The following IL1RAPL2 variants were observed in gnomAD, a reference collection of about 807,000 sequenced individuals.
The protein encoded by IL1RAPL2 is X-linked interleukin-1 receptor accessory protein-like 2.
IL1RAPL2 carries 3 observed loss-of-function variants against 44.1 expected under a neutral mutation model. That is an observed-to-expected ratio of 0.07 (90% confidence interval 0.03 to 0.18). The LOEUF (loss-of-function observed/expected upper bound fraction) is 0.18, where lower values mean the gene tolerates loss of function less well. Ranked by LOEUF, IL1RAPL2 falls within the 10% of genes least tolerant of loss-of-function variation. IL1RAPL2 has a pLI of 1.00. For synonymous variants in IL1RAPL2, 181 were observed against 178.8 expected, an observed-to-expected ratio of 1.01 and a Z score of -0.10; for missense variants, 391 against 496.4, an observed-to-expected ratio of 0.79 and a Z score of 2.02.
At chrX:105,199,215 T>G (rs1361214477) in intron 3 of IL1RAPL2, among the ~76,000 whole-genome samples, 3 of 111,160 alleles carry the variant, frequency 2.7e-5, no homozygotes, top group Non-Finnish European at 3.8e-5. Flanking sequence ...CTACTTAATT[T>G]TCTTGCTCAG....
chrX:104,967,540 AGAG>A (rs2030150437), intron 2 of IL1RAPL2, among the ~76,000 whole-genome samples: 1 of 111,206 alleles, frequency 9.0e-6, no homozygotes, highest in Admixed American at 9.6e-5. Context: ...AAAGAAAATA[AGAG>A]GAGGACAGAA....
chrX:105,384,378 A>T (rs191607273), intron 5 of IL1RAPL2, among the ~76,000 whole-genome samples: 26 of 111,121 alleles, frequency 2.3e-4, no homozygotes, highest in Admixed American at 6.7e-4. Flanking sequence ...CCTTTCCCCA[A>T]TGTCTATTTT....
intron 3 of IL1RAPL2, among the ~76,000 whole-genome samples, chrX:105,200,149 C>T (rs782028700): frequency 8.1e-5 from 9 of 111,785 alleles, no homozygotes; most frequent in African/African-American, 1.9e-4. Context: ...AAGGTAATTA[C>T]GAATGACTTT....
At chrX:105,180,280 T>G (rs994760876) in intron 2 of IL1RAPL2, among the ~76,000 whole-genome samples, 5 of 109,224 alleles carry the variant, frequency 4.6e-5, no homozygotes, top group African/African-American at 1.0e-4. Context: ...GAGGTTGCAG[T>G]GAGCTGAGAC....
chrX:105,010,606 T>A (rs1240764433), intron 2 of IL1RAPL2, among the ~76,000 whole-genome samples: 2 of 111,775 alleles, frequency 1.8e-5, no homozygotes, highest in African/African-American at 6.5e-5. Context: ...TGCAGCTTCA[T>A]CTTTGATTCA....
At chrX:105,673,006 G>A (rs2037837205) in intron 6 of IL1RAPL2, among the ~76,000 whole-genome samples, 1 of 110,956 alleles carries the variant, frequency 9.0e-6, no homozygotes, top group Non-Finnish European at 1.9e-5. Context: ...CATCCCTTGT[G>A]TCCTGTAGTC....
chrX:105,495,553 T>A (rs750462304), intron 6 of IL1RAPL2, among the ~76,000 whole-genome samples: 1 of 111,884 alleles, frequency 8.9e-6, no homozygotes, highest in Non-Finnish European at 1.9e-5. Flanking sequence ...TCAATTTCAT[T>A]TATTTTCCTT....
chrX:105,670,142 T>TATATATATATATAA (rs1365896538), intron 6 of IL1RAPL2, among the ~76,000 whole-genome samples: 30 of 52,975 alleles, frequency 5.7e-4, no homozygotes, highest in African/African-American at 2.1e-3. Context: ...TATATATATA[T>TATATATATATATAA]ATATATCTCC....
chrX:105,551,967 G>C (rs891712482), intron 6 of IL1RAPL2, among the ~76,000 whole-genome samples: 1 of 110,496 alleles, frequency 9.1e-6, no homozygotes, highest in Non-Finnish European at 1.9e-5. Flanking sequence ...TTAGCTGGGC[G>C]TGGTGGCGGG....
At chrX:104,928,136 C>A (rs745842396) in intron 2 of IL1RAPL2, among the ~76,000 whole-genome samples, 21 of 111,738 alleles carry the variant, frequency 1.9e-4, no homozygotes, top group Admixed American at 1.8e-3. Context: ...TCCCCTCAAG[C>A]ATTTATCCTT....
intron 2 of IL1RAPL2, among the ~76,000 whole-genome samples, chrX:104,935,079 C>T (rs929199661): frequency 9.0e-6 from 1 of 111,495 alleles, no homozygotes; most frequent in African/African-American, 3.3e-5. Context: ...GGACACTGTG[C>T]CTAATAATAT....
At chrX:105,267,356 T>G in intron 4 of IL1RAPL2, 32 bp from the exon 5 acceptor site, 2 of 1,172,066 alleles carry the variant, frequency 1.7e-6, no homozygotes, top group Non-Finnish European at 2.3e-6. Flanking sequence ...GAAATTCTAT[T>G]TTTTGCTTAC....
intron 3 of IL1RAPL2, among the ~76,000 whole-genome samples, chrX:105,224,201 G>A (rs931913613): frequency 3.6e-5 from 4 of 110,948 alleles, no homozygotes; most frequent in Non-Finnish European, 7.5e-5. Context: ...AGCAGTAGGA[G>A]TAGTCAGAGA....
chrX:104,764,985 A>G (rs961148817), intron 2 of IL1RAPL2, among the ~76,000 whole-genome samples: 1 of 111,942 alleles, frequency 8.9e-6, no homozygotes, highest in Non-Finnish European at 1.9e-5. Context: ...TTTTGCATAA[A>G]TGTTCATCAG....
At chrX:105,192,374 C>T (rs1556137789) in intron 2 of IL1RAPL2, among the ~76,000 whole-genome samples, 1 of 111,582 alleles carries the variant, frequency 9.0e-6, no homozygotes, top group Non-Finnish European at 1.9e-5. Flanking sequence ...GTGTTCAATC[C>T]CTCCATGTTG....
At chrX:104,907,959 A>C (rs1163939514) in intron 2 of IL1RAPL2, among the ~76,000 whole-genome samples, 1 of 110,112 alleles carries the variant, frequency 9.1e-6, no homozygotes, top group Non-Finnish European at 1.9e-5. Flanking sequence ...TAGGTCACTC[A>C]GGACTTGCTT....
chrX:104,883,763 C>G (rs1248940754), intron 2 of IL1RAPL2, among the ~76,000 whole-genome samples: 1 of 111,522 alleles, frequency 9.0e-6, no homozygotes, highest in East Asian at 2.8e-4. Context: ...TACCCAAAGC[C>G]CCATCACAGG....
chrX:105,458,523 TC>T (rs963612712), intron 5 of IL1RAPL2, among the ~76,000 whole-genome samples: 8 of 111,948 alleles, frequency 7.1e-5, no homozygotes, highest in Non-Finnish European at 9.4e-5. Flanking sequence ...TTTCATTACC[TC>T]AAAAAGAAAT....
Position 105,032,498 on chromosome X carries a change from C to T in IL1RAPL2, c.83-162977C>T, listed in dbSNP as rs187523008. On this transcript the variant is annotated intron_variant, in intron 2 of 10. Transcript: ENST00000372582. The stretch of plus-strand genomic sequence containing the variant: ...TTTCGTTATTTCCCCGTATTCATTC[C>T]GGAGCAGGTTGTTCACTTTCCATGT... Among the ~76,000 whole-genome samples the T allele has an allele frequency of 5.7e-3, 629 of 111,282 alleles. 7 individuals are homozygous for T. The highest frequency in any genetic ancestry group is 0.02 in the African/African-American group (599 of 30,640).
Sources: gnomAD v4.1 joint callset for allele counts (sites outside exome capture counted in the v4.1 genomes callset) on GRCh38, gnomAD v4.1.1 for gene constraint, MANE v1.5 for transcripts, NCBI Gene and HGNC (gene_info 2026-07-23, HGNC 2026-07-21) for gene names.